CDIP1: variants seen among roughly 807,000 people sequenced by gnomAD.
CDIP1 encodes the protein cell death inducing p53 target 1.
Under a neutral mutation model 17.7 loss-of-function variants are expected in CDIP1, and 9 were observed. The ratio of observed to expected loss-of-function variants is 0.51; its 90% confidence interval spans 0.31 to 0.89. The LOEUF is 0.89. Ranked by LOEUF, CDIP1 falls within the 40% of genes least tolerant of loss-of-function variation. CDIP1 has a pLI of 0.05. For missense variants in CDIP1, 263 were observed against 277.9 expected (o/e 0.95, Z 0.38); for synonymous variants, 117 against 109.5 (o/e 1.07, Z -0.43).
intron 1 of CDIP1, among the ~76,000 whole-genome samples, chr16:4,523,671 A>T (rs1327539757): frequency 6.6e-6 from 1 of 152,222 alleles, no homozygotes; most frequent in East Asian, 1.9e-4. Context: ...GTAGAAGGAC[A>T]GCAAGATCGC....
chr16:4,536,408 T>C (rs1403951687), intron 1 of CDIP1: 1 of 152,136 alleles, frequency 6.6e-6, no homozygotes, highest in Non-Finnish European at 1.5e-5. Flanking sequence ...AAACACACAC[T>C]GAACTGGTAG....
At chr16:4,529,783 C>T (rs1238731545) in intron 1 of CDIP1, among the ~76,000 whole-genome samples, 1 of 152,228 alleles carries the variant, frequency 6.6e-6, no homozygotes, top group Non-Finnish European at 1.5e-5. Flanking sequence ...GATCAAGACA[C>T]ACCACTGCAA....
chr16:4,512,587 G>A lies in CDIP1; in HGVS notation c.612C>T (p.Tyr204=), dbSNP rs780475917. The stretch of plus-strand genomic sequence containing the variant: ...CCCAGCTCCGTTAGCACAGGCGCTT[G>A]TACGTGTAGATGTAGGCTTTGCAGC... The part of the protein sequence containing the change: ...CPSCKAYIYT[Y]KRLC Residue 204 remains tyrosine, a synonymous_variant, in exon 6 of 6, where the codon TAC becomes TAT. Transcript: ENST00000567695. The surrounding 1 kb of genome is among the most constrained non-coding windows in gnomAD (Gnocchi z 4.6). 4.3e-6 allele frequency: 7 copies of A among 1,613,230 alleles called. 2 individuals carry two copies. In the South Asian group the frequency reaches 7.7e-5, roughly 18 times the overall value.
rs926779596 is a variant in CDIP1, at chr16:4,519,830, A to AC, written c.-104-5167dup. The stretch of plus-strand genomic sequence containing the variant: ...CTCGCCATGTGATCTCTGCACAGAG[A>AC]CCCCCCGTGCCTTCCACCATGAATG... On this transcript the variant is annotated intron_variant, in intron 1 of 5. Transcript: ENST00000567695. Among the ~76,000 whole-genome samples the AC allele has an allele frequency of 4.7e-4, 70 of 148,808 alleles. 1 individual carries two copies. Among genetic ancestry groups the AC allele is most frequent in the Admixed American group, 3.5e-3 (53 of 14,948 alleles).
rs1299180324 is a variant in CDIP1, at chr16:4,513,385, C to A, written c.241+311G>T. On this transcript the variant is annotated intron_variant, in intron 4 of 5. Coordinates refer to ENST00000567695, the MANE Select transcript of CDIP1 (RefSeq NM_013399.3). The surrounding 1 kb of genome is among the most constrained non-coding windows in gnomAD (Gnocchi z 4.1). The stretch of plus-strand genomic sequence containing the variant: ...AAGGACAGGGCACTCAGCCTCAAGC[C>A]CATGACCAAGAGAGGGAAAGCCTTG... Among the ~76,000 whole-genome samples the A allele has an allele frequency of 2.6e-5, 4 of 152,192 alleles. No individual in the cohort carries two copies. Among genetic ancestry groups the A allele is most frequent in the Non-Finnish European group, 5.9e-5 (4 of 68,024 alleles).
At chr16:4,527,377 G>A (rs75720112) in intron 1 of CDIP1, among the ~76,000 whole-genome samples, 7 of 152,270 alleles carry the variant, frequency 4.6e-5, no homozygotes, top group African/African-American at 7.2e-5. Flanking sequence ...AAGTGCCACC[G>A]CACCCGGTGA....
intron 1 of CDIP1, among the ~76,000 whole-genome samples, chr16:4,515,580 C>G (rs1025903195): frequency 1.3e-5 from 2 of 151,628 alleles, no homozygotes; most frequent in African/African-American, 2.4e-5. Flanking sequence ...GAACTCAACT[C>G]AATAACAGAA....
Position 4,531,818 on chromosome 16 carries a change from T to A in CDIP1, c.-105+6884A>T, listed in dbSNP as rs529816127. On this transcript the variant is annotated intron_variant, in intron 1 of 5. Coordinates refer to ENST00000567695, the MANE Select transcript of CDIP1 (RefSeq NM_013399.3). ...GGATCTCACACTCCCAATAAAGTGC[T>A]TCACACAGTGTAGCTCACACAGTGC... Among the ~76,000 whole-genome samples the A allele has an allele frequency of 9.2e-5, 14 of 152,362 alleles. No individual in the cohort carries two copies. The East Asian group carries it at 2.7e-3, about 29-fold the overall frequency.
At chr16:4,516,711 T>C (rs1479538959) in intron 1 of CDIP1, among the ~76,000 whole-genome samples, 1 of 132,348 alleles carries the variant, frequency 7.6e-6, no homozygotes, top group East Asian at 2.1e-4. Flanking sequence ...TTTTTTTTTT[T>C]TTTTTTTTTT....
chr16:4,527,736 T>A (rs2059014500), intron 1 of CDIP1, among the ~76,000 whole-genome samples: 1 of 152,218 alleles, frequency 6.6e-6, no homozygotes, highest in South Asian at 2.1e-4. Context: ...ACTGTCTTGA[T>A]GTTCAAGAAA....
At chr16:4,519,053 T>C (rs535896135) in intron 1 of CDIP1, among the ~76,000 whole-genome samples, 3 of 152,322 alleles carry the variant, frequency 2.0e-5, no homozygotes, top group Non-Finnish European at 2.9e-5. Flanking sequence ...CTTGGATTTA[T>C]TAATTGCAAA....
At chr16:4,529,389 G>A (rs945054766) in intron 1 of CDIP1, among the ~76,000 whole-genome samples, 5 of 152,174 alleles carry the variant, frequency 3.3e-5, no homozygotes, top group South Asian at 4.1e-4. Flanking sequence ...ACACAGCCCC[G>A]GCCTCCCAAC....
At chr16:4,529,508 A>T (rs1222649822) in intron 1 of CDIP1, among the ~76,000 whole-genome samples, 3 of 152,220 alleles carry the variant, frequency 2.0e-5, no homozygotes, top group Admixed American at 2.0e-4. Context: ...GGAAGCACAG[A>T]CAGGAGGGGA....
At chr16:4,525,100 C>T (rs1048163266) in intron 1 of CDIP1, among the ~76,000 whole-genome samples, 1 of 152,040 alleles carries the variant, frequency 6.6e-6, no homozygotes, top group Non-Finnish European at 1.5e-5. Flanking sequence ...ACTCTATCCC[C>T]CCTCCACCAC....
At chr16:4,522,139 C>T (rs991705339) in intron 1 of CDIP1, among the ~76,000 whole-genome samples, 5 of 152,220 alleles carry the variant, frequency 3.3e-5, no homozygotes, top group Non-Finnish European at 5.9e-5. Flanking sequence ...AGCTCAGCAG[C>T]GTTCCCTCAC....
At chr16:4,516,345 T>C (rs189027898) in intron 1 of CDIP1, among the ~76,000 whole-genome samples, 204 of 152,292 alleles carry the variant, frequency 1.3e-3, no homozygotes, top group African/African-American at 4.5e-3. Context: ...AGTTGAACGA[T>C]TCTGTGAATA....
Position 4,512,847 on chromosome 16 carries a change from G to T in CDIP1, c.459C>A (p.Ile153=). 1.9e-6 allele frequency: 3 copies of T among 1,562,406 alleles called. No individual in the cohort carries two copies. Among genetic ancestry groups the T allele is most frequent in the Non-Finnish European group, 1.7e-6 (2 of 1,152,718 alleles). ...PHCQQAITTK[I]SYEIGLMNFV... ...AATTCATCAAGCCAATCTCGTAGGA[G>T]ATCTTGGTGGTGATGGCCTGCTGGC... Residue 153 remains isoleucine, a synonymous_variant, in exon 5 of 6, where the codon ATC becomes ATA. Transcript: ENST00000567695. The surrounding 1 kb of genome is among the most constrained non-coding windows in gnomAD (Gnocchi z 4.6).
rs1472875041 is a variant in CDIP1, at chr16:4,538,705, C to T, written c.-108G>A. The T allele has an allele frequency of 6.6e-6, 1 of 152,286 alleles. No homozygotes were observed. Among genetic ancestry groups the T allele is most frequent in the Non-Finnish European group, 1.5e-5 (1 of 68,090 alleles). 9.4% of individuals were successfully genotyped at this position (152,286 alleles called of 1,614,324 possible). On this transcript the variant is annotated 5_prime_UTR_variant, in exon 1 of 6. Coordinates refer to ENST00000567695, the MANE Select transcript of CDIP1 (RefSeq NM_013399.3). ...CGAATGCGTCCAGTCGACTCACCGT[C>T]CCCGCAGCCCTGGGGCAGCGGCCGC...
chr16:4,518,122 C>G (rs140992515), intron 1 of CDIP1, among the ~76,000 whole-genome samples: 1 of 152,324 alleles, frequency 6.6e-6, no homozygotes, highest in African/African-American at 2.4e-5. Flanking sequence ...ACTGAAGCAC[C>G]TGCAGATCCC....
Sources: allele counts gnomAD v4.1 joint callset (sites outside exome capture counted in the v4.1 genomes callset), GRCh38; gene constraint gnomAD v4.1.1; non-coding constraint Gnocchi (gnomAD v3.1); transcripts MANE v1.5; gene names NCBI Gene and HGNC (gene_info 2026-07-23, HGNC 2026-07-21).